Variants in INSYN2B observed in about 807,000 individuals in gnomAD.
The protein encoded by INSYN2B is inhibitory synaptic factor family member 2B, also known as protein INSYN2B.
In INSYN2B, 16 loss-of-function variants were observed where a neutral mutation model predicts 41.2. The ratio of observed to expected loss-of-function variants is 0.39; its 90% CI spans 0.26 to 0.59. The LOEUF is 0.59. Ranked by LOEUF, INSYN2B falls within the 20% of genes least tolerant of loss-of-function variation. The probability of loss-of-function intolerance (pLI) is 0.57; values close to 1 mark genes in which losing one functional copy is unlikely to be tolerated. For synonymous variants in INSYN2B, 245 were observed against 244.4 expected (o/e 1.00, Z -0.02); for missense variants, 608 against 646.4 (o/e 0.94, Z 0.64).
intron 1 of INSYN2B, among the ~76,000 whole-genome samples, chr5:169,898,658 T>C (rs261063): frequency 0.2 from 30,917 of 152,078 alleles, 4,573 homozygotes; most frequent in African/African-American, 0.42. Flanking sequence ...CAAAAAACTC[T>C]TTCAATCAAG....
At chr5:169,888,947 G>A (rs76109893) in intron 1 of INSYN2B, among the ~76,000 whole-genome samples, 10,159 of 152,132 alleles carry the variant, frequency 0.067, 376 homozygotes, top group Non-Finnish European at 0.086. Context: ...TCTCCCTGCC[G>A]TCTCTGTACT....
intron 3 of INSYN2B, among the ~76,000 whole-genome samples, chr5:169,874,578 T>G (rs960725924): frequency 9.9e-5 from 15 of 152,152 alleles, no homozygotes; most frequent in African/African-American, 3.6e-4. Flanking sequence ...AATGTAGTGG[T>G]AATGGTCAGC....
intron 1 of INSYN2B, among the ~76,000 whole-genome samples, chr5:169,970,258 C>CT (rs1229060361): frequency 1.3e-5 from 2 of 152,110 alleles, no homozygotes; most frequent in East Asian, 1.9e-4. Context: ...TGCATTCCAT[C>CT]TTTTTTTTGA....
At chr5:169,970,493 T>C (rs552255022) in intron 1 of INSYN2B, among the ~76,000 whole-genome samples, 16 of 152,300 alleles carry the variant, frequency 1.1e-4, no homozygotes, top group African/African-American at 3.6e-4. Flanking sequence ...TGGAGGGTGA[T>C]AGAGTCAACT....
chr5:169,864,739 T>A (rs1771431531), intron 3 of INSYN2B, among the ~76,000 whole-genome samples: 1 of 152,290 alleles, frequency 6.6e-6, no homozygotes, highest in East Asian at 1.9e-4. Context: ...TTGGCTCCAG[T>A]CTCTCTCTTA....
chr5:169,897,863 C>T (rs923710431), intron 1 of INSYN2B, among the ~76,000 whole-genome samples: 2 of 152,194 alleles, frequency 1.3e-5, no homozygotes, highest in African/African-American at 4.8e-5. Flanking sequence ...GGAGTGGACT[C>T]TCAAAAGAAG....
chr5:169,880,326 A>G (rs761647263), intron 3 of INSYN2B, among the ~76,000 whole-genome samples: 83 of 152,378 alleles, frequency 5.4e-4, no homozygotes, highest in Non-Finnish European at 9.6e-4. Context: ...CCTTCCAGGC[A>G]TATGGTCTCT....
chr5:169,897,757 G>C (rs530146893), intron 1 of INSYN2B, among the ~76,000 whole-genome samples: 1 of 152,152 alleles, frequency 6.6e-6, no homozygotes, highest in Non-Finnish European at 1.5e-5. Flanking sequence ...CCATCGTCAG[G>C]GCCACATGGG....
intron 1 of INSYN2B, among the ~76,000 whole-genome samples, chr5:169,899,719 T>C (rs962935910): frequency 3.2e-4 from 49 of 152,208 alleles, no homozygotes; most frequent in African/African-American, 1.2e-3. Context: ...AGACTTTCAA[T>C]GTTCCTTTCC....
chr5:169,945,119 T>C (rs1248559222), intron 1 of INSYN2B, among the ~76,000 whole-genome samples: 1 of 152,184 alleles, frequency 6.6e-6, no homozygotes, highest in Admixed American at 6.5e-5. Context: ...TTTCATTTTC[T>C]TTCTCTTGGC....
chr5:169,965,512 G>T (rs970413754), intron 1 of INSYN2B, among the ~76,000 whole-genome samples: 1 of 152,168 alleles, frequency 6.6e-6, no homozygotes, highest in Non-Finnish European at 1.5e-5. Flanking sequence ...GCTCATTTTT[G>T]TCTATTGAGC....
At chr5:169,956,476 A>G (rs76594159) in intron 1 of INSYN2B, among the ~76,000 whole-genome samples, 6,104 of 152,288 alleles carry the variant, frequency 0.04, 320 homozygotes, top group East Asian at 0.21. Flanking sequence ...TTGGATTCAG[A>G]TTAGATTTAA....
intron 1 of INSYN2B, among the ~76,000 whole-genome samples, chr5:169,937,489 C>T (rs961133136): frequency 3.9e-5 from 6 of 152,138 alleles, no homozygotes; most frequent in African/African-American, 1.4e-4. Context: ...GTGCTTGGCA[C>T]ATAGTAAGTG....
At chr5:169,923,668 T>G (rs753792953) in intron 1 of INSYN2B, among the ~76,000 whole-genome samples, 3 of 152,198 alleles carry the variant, frequency 2.0e-5, no homozygotes, top group Non-Finnish European at 4.4e-5. Context: ...TCAAAGAAGG[T>G]TAATAGGACT....
chr5:169,940,339 C>T (rs1392424641), intron 1 of INSYN2B, among the ~76,000 whole-genome samples: 1 of 152,176 alleles, frequency 6.6e-6, no homozygotes, highest in East Asian at 1.9e-4. Context: ...TTGTTTTTCA[C>T]ACCTTGAGTA....
At chr5:169,970,047 A>T (rs903947720) in intron 1 of INSYN2B, among the ~76,000 whole-genome samples, 2 of 152,240 alleles carry the variant, frequency 1.3e-5, no homozygotes, top group African/African-American at 4.8e-5. Context: ...CTCTGGCTAC[A>T]GTGATGTAAG....
chr5:169,881,427 T>C lies in INSYN2B; in HGVS notation c.1362A>G (p.Arg454=), dbSNP rs377147905. 1.8e-5 allele frequency: 28 copies of C among 1,551,388 alleles called. No individual in the cohort carries two copies. The highest frequency in any genetic ancestry group is 2.3e-5 in the Non-Finnish European group (26 of 1,146,852). Residue 454 remains arginine, a synonymous_variant, in exon 3 of 4, where the codon CGA becomes CGG. Coordinates refer to ENST00000377365, the MANE Select transcript of INSYN2B (RefSeq NM_001129891.3). ...RALTEGRNFY[R]TGQDLNNCST... ...TGCAATTGTTGAGATCTTGGCCAGTTCGATAAAAGTTGCGCCTGCAAGACA... is the reference window on the plus strand; with the variant it reads ...TGCAATTGTTGAGATCTTGGCCAGTCCGATAAAAGTTGCGCCTGCAAGACA...
chr5:169,876,555 ACAAGGGTTT>A (rs1772346275), intron 3 of INSYN2B, among the ~76,000 whole-genome samples: 1 of 152,226 alleles, frequency 6.6e-6, no homozygotes, highest in Non-Finnish European at 1.5e-5. Flanking sequence ...GCCTGGAAGA[ACAAGGGTTT>A]CAATGTCCTA....
At chr5:169,944,590 G>A (rs1231849478) in intron 1 of INSYN2B, among the ~76,000 whole-genome samples, 1 of 152,230 alleles carries the variant, frequency 6.6e-6, no homozygotes, top group Non-Finnish European at 1.5e-5. Flanking sequence ...CCTTGGGAGA[G>A]CATTTTAATA....
Sources: allele counts gnomAD v4.1 joint callset (sites outside exome capture counted in the v4.1 genomes callset), GRCh38; gene constraint gnomAD v4.1.1; transcripts MANE v1.5; gene names NCBI Gene and HGNC (gene_info 2026-07-23, HGNC 2026-07-21).